Variants in GLUD1 observed in about 807,000 individuals in gnomAD.
The protein encoded by GLUD1 is glutamate dehydrogenase 1, mitochondrial.
In GLUD1, 22 loss-of-function variants were observed where a neutral mutation model predicts 56.0. The ratio of observed to expected loss-of-function variants is 0.39; its 90% CI spans 0.28 to 0.56. The LOEUF (loss-of-function observed/expected upper bound fraction) is 0.56. GLUD1 is among the 20% of genes least tolerant of loss of function. GLUD1 has a pLI of 0.58. For missense variants in GLUD1, 451 were observed against 732.0 expected (o/e 0.62, Z 4.43); for synonymous variants, 223 against 269.9 (o/e 0.83, Z 1.70).
intron 1 of GLUD1, among the ~76,000 whole-genome samples, chr10:87,084,190 C>T (rs1048043637): frequency 6.6e-6 from 1 of 152,212 alleles, no homozygotes; most frequent in African/African-American, 2.4e-5. Context: ...GACGTATGTA[C>T]TACAATGGGA....
intron 11 of GLUD1, among the ~76,000 whole-genome samples, chr10:87,053,844 T>C (rs1469748895): frequency 6.6e-6 from 1 of 152,082 alleles, no homozygotes; most frequent in Non-Finnish European, 1.5e-5. Context: ...TTAAACCCCA[T>C]AGCGGCTTTG....
chr10:87,056,158 A>G (rs1159482646), intron 11 of GLUD1, among the ~76,000 whole-genome samples: 2 of 150,352 alleles, frequency 1.3e-5, no homozygotes, highest in African/African-American at 4.9e-5. Context: ...AAAAGAAGAT[A>G]TAATTTACCC....
intron 1 of GLUD1, among the ~76,000 whole-genome samples, chr10:87,077,639 T>C (rs568703886): frequency 6.6e-6 from 1 of 151,442 alleles, no homozygotes; most frequent in East Asian, 1.9e-4. Context: ...GCTTTGGCTT[T>C]GGGGGTCTTG....
At chr10:87,057,891 C>T in intron 10 of GLUD1, 109 bp from the exon 11 acceptor site, 1 of 688,348 alleles carries the variant, frequency 1.5e-6, no homozygotes, top group Non-Finnish European at 2.6e-6. Flanking sequence ...CTTATACAGA[C>T]AGAGTCGTGG....
At chr10:87,080,676 G>A (rs1443829490) in intron 1 of GLUD1, among the ~76,000 whole-genome samples, 1 of 150,374 alleles carries the variant, frequency 6.7e-6, no homozygotes, top group Non-Finnish European at 1.5e-5. Context: ...CGCCCCATCT[G>A]AGAAGGGAGG....
At chr10:87,082,567 A>C (rs1266517157) in intron 1 of GLUD1, among the ~76,000 whole-genome samples, 1 of 152,250 alleles carries the variant, frequency 6.6e-6, no homozygotes, top group East Asian at 1.9e-4. Context: ...AAGAAGCCCC[A>C]GAGCCAACAG....
At chr10:87,090,243 A>C (rs971654988) in intron 1 of GLUD1, among the ~76,000 whole-genome samples, 26 of 152,240 alleles carry the variant, frequency 1.7e-4, no homozygotes, top group African/African-American at 6.0e-4. Context: ...TAACAGCGGT[A>C]AACCTAATTT....
intron 12 of GLUD1, 146 bp downstream of exon 12, chr10:87,053,196 A>G (rs1053815749): frequency 3.0e-5 from 21 of 690,620 alleles, no homozygotes; most frequent in African/African-American, 2.1e-4. Context: ...TGAGACTGAA[A>G]AAACATGTGT....
intron 5 of GLUD1, chr10:87,067,584 C>G (rs1290277880): frequency 5.7e-6 from 1 of 174,060 alleles, no homozygotes; most frequent in East Asian, 1.4e-4. Context: ...AAACTGAACG[C>G]TATTGTTTCT....
At position 87,051,724 on chromosome 10, in the gene GLUD1, A is replaced by C. The variant is rs1845636434; in HGVS notation, c.*27T>G. The C allele has an allele frequency of 1.9e-6, 3 of 1,610,922 alleles. No individual in the cohort carries two copies. The South Asian group carries it at 3.3e-5, about 18-fold the overall frequency. ...TCTGCAGAAGTTACATGTGAAGAGGATAGTGAGGAAGTCAGCCATGATCCA... is the reference window on the plus strand; with the variant it reads ...TCTGCAGAAGTTACATGTGAAGAGGCTAGTGAGGAAGTCAGCCATGATCCA... On this transcript the variant is annotated 3_prime_UTR_variant, in exon 13 of 13. Transcript: ENST00000277865.
rs772345685 is a variant in GLUD1 at position 87,082,096 on chromosome 10, T to TA, written c.446-5441_446-5440insT. Among the ~76,000 whole-genome samples, 13 of 152,374 alleles carry TA rather than the reference T, an allele frequency of 8.5e-5. No individual in the cohort carries two copies. In the East Asian group the frequency reaches 1.3e-3, roughly 16 times the overall value. On this transcript the variant is annotated intron_variant, in intron 1 of 12. Coordinates refer to ENST00000277865, the MANE Select transcript of GLUD1 (RefSeq NM_005271.5). ...TTTCTTAAGTGGAGGAAATGTTACTTTCTTTTAACTTAGAAACTTAAAAAT... is the reference window on the plus strand; with the variant it reads ...TTTCTTAAGTGGAGGAAATGTTACTTATCTTTTAACTTAGAAACTTAAAAAT...
chr10:87,059,225 G>A lies in GLUD1; in HGVS notation c.1327C>T (p.Leu443=), dbSNP rs1421039015. ...TAGCTGACATGATTTAGATTCTTCAGCCACTCAAAGTAAGATACTGTCACT... is the reference window on the plus strand; with the variant it reads ...TAGCTGACATGATTTAGATTCTTCAACCACTCAAAGTAAGATACTGTCACT... ...GGVTVSYFEW[L]KNLNHVSYGR... The change falls in exon 10 of 13, where the codon CTG becomes TTG. Residue 443 remains leucine (L), a synonymous_variant. Coordinates refer to ENST00000277865, the MANE Select transcript of GLUD1 (RefSeq NM_005271.5). 1.2e-6 allele frequency: 2 copies of A among 1,613,692 alleles called. No homozygotes were observed. Among genetic ancestry groups the A allele is most frequent in the Non-Finnish European group, 1.7e-6 (2 of 1,179,794 alleles).
At chr10:87,078,598 C>T (rs767077292) in intron 1 of GLUD1, among the ~76,000 whole-genome samples, 23 of 152,004 alleles carry the variant, frequency 1.5e-4, no homozygotes, top group South Asian at 8.3e-4. Context: ...AATTAATATA[C>T]GAATATTCTG....
chr10:87,086,832 G>GAA (rs367807316), intron 1 of GLUD1, among the ~76,000 whole-genome samples: 11 of 70,440 alleles, frequency 1.6e-4, no homozygotes, highest in Admixed American at 3.3e-4. Flanking sequence ...CCGTCTCAAA[G>GAA]AAAAAAAAAA....
chr10:87,056,225 T>C (rs1301598292), intron 11 of GLUD1, among the ~76,000 whole-genome samples: 1 of 150,830 alleles, frequency 6.6e-6, no homozygotes, highest in Non-Finnish European at 1.5e-5. Context: ...TTATAAGATA[T>C]AAGTCAGCCA....
At chr10:87,081,496 G>C (rs1292491681) in intron 1 of GLUD1, among the ~76,000 whole-genome samples, 1 of 152,250 alleles carries the variant, frequency 6.6e-6, no homozygotes, top group Non-Finnish European at 1.5e-5. Context: ...TGGTTTTGTG[G>C]AATAGAAAGC....
At chr10:87,062,311 AC>A (rs1312849687) in intron 6 of GLUD1, among the ~76,000 whole-genome samples, 1 of 152,226 alleles carries the variant, frequency 6.6e-6, no homozygotes, top group East Asian at 1.9e-4. Context: ...CAGTGTGTAA[AC>A]CTTTCTATAT....
At chr10:87,072,314 A>G (rs115571663) in intron 4 of GLUD1, among the ~76,000 whole-genome samples, 2,134 of 152,314 alleles carry the variant, frequency 0.014, 53 homozygotes, top group African/African-American at 0.048. Context: ...TACAGATTCA[A>G]TGAAATTCCT....
At chr10:87,055,379 C>T (rs1217877085) in intron 11 of GLUD1, among the ~76,000 whole-genome samples, 1 of 151,938 alleles carries the variant, frequency 6.6e-6, no homozygotes, top group Non-Finnish European at 1.5e-5. Flanking sequence ...CCTGATAGTG[C>T]CAAACAGGGG....
Sources: allele counts gnomAD v4.1 joint callset (sites outside exome capture counted in the v4.1 genomes callset), GRCh38; gene constraint gnomAD v4.1.1; transcripts MANE v1.5; gene names NCBI Gene and HGNC (gene_info 2026-07-23, HGNC 2026-07-21).